TAF1B: variants seen among roughly 807,000 people sequenced by gnomAD.
TAF1B encodes TATA-box binding protein associated factor, RNA polymerase I subunit B.
Under a neutral mutation model 83.9 loss-of-function variants are expected in TAF1B, and 61 were observed. That is an observed-to-expected ratio of 0.73 (90% CI 0.59 to 0.90). TAF1B has a LOEUF of 0.90. Ranked by LOEUF, TAF1B falls within the 40% of genes least tolerant of loss-of-function variation. TAF1B has a pLI of 0.00. For missense variants in TAF1B, 625 were observed against 677.0 expected, an observed-to-expected ratio of 0.92 and a Z score of 0.85; for synonymous variants, 221 against 224.6, an observed-to-expected ratio of 0.98 and a Z score of 0.14.
At chr2:9,906,916 T>C (rs187905591) in intron 9 of TAF1B, among the ~76,000 whole-genome samples, 207 of 152,310 alleles carry the variant, frequency 1.4e-3, no homozygotes, top group Non-Finnish European at 1.9e-3. Context: ...CTTGCTCTGT[T>C]GACCAGGCTG....
chr2:9,925,889 TATGGTGCAAAC>T (rs930900656), intron 14 of TAF1B, among the ~76,000 whole-genome samples: 9 of 152,194 alleles, frequency 5.9e-5, no homozygotes, highest in African/African-American at 2.2e-4. Context: ...GGCAGAGTTT[TATGGTGCAAAC>T]ATAGACATTC....
intron 5 of TAF1B, among the ~76,000 whole-genome samples, chr2:9,857,848 C>T (rs1026318952): frequency 1.3e-5 from 2 of 152,100 alleles, no homozygotes; most frequent in Non-Finnish European, 2.9e-5. Flanking sequence ...GGAAGCCACC[C>T]CCATGATCCA....
chr2:9,863,229 T>C (rs868122516), intron 5 of TAF1B, among the ~76,000 whole-genome samples: 1 of 151,882 alleles, frequency 6.6e-6, no homozygotes, highest in Admixed American at 6.6e-5. Flanking sequence ...ACACATAGGC[T>C]CAAAGTAAAG....
intron 5 of TAF1B, among the ~76,000 whole-genome samples, chr2:9,859,051 G>A (rs992973243): frequency 7.9e-5 from 12 of 152,060 alleles, no homozygotes; most frequent in African/African-American, 2.2e-4. Flanking sequence ...TTACCTTGTC[G>A]TCCTGCTGGA....
rs1307875794 is a variant in TAF1B at position 9,874,501 on chromosome 2, G to T, written c.554-1364G>T. Reference sequence around the variant, plus strand: ...TGCCCAGGCTAGTCTCGCATTCTTGGGCTCAAGTGATCCTCCTGTCTCATC... The same window carrying T: ...TGCCCAGGCTAGTCTCGCATTCTTGTGCTCAAGTGATCCTCCTGTCTCATC... On this transcript the variant is annotated intron_variant, in intron 6 of 14. Coordinates refer to ENST00000263663, the MANE Select transcript of TAF1B (RefSeq NM_005680.3). Among the ~76,000 whole-genome samples the T allele has an allele frequency of 2.0e-5, 3 of 151,990 alleles. No individual in the cohort carries two copies. In the South Asian group the frequency reaches 6.3e-4, roughly 32 times the overall value.
intron 5 of TAF1B, among the ~76,000 whole-genome samples, chr2:9,867,694 T>C (rs11692193): frequency 0.73 from 110,580 of 152,026 alleles, 40,501 homozygotes; most frequent in East Asian, 0.94. Context: ...GACACTCTGT[T>C]GTTTCAACAG....
intron 2 of TAF1B, chr2:9,845,534 T>G: frequency 2.2e-6 from 1 of 455,716 alleles, no homozygotes; most frequent in Non-Finnish European, 4.0e-6. Flanking sequence ...TGGGCCACAT[T>G]TATAAATGAT....
chr2:9,846,660 G>A (rs946408521), intron 2 of TAF1B, among the ~76,000 whole-genome samples: 1 of 152,240 alleles, frequency 6.6e-6, no homozygotes, highest in Non-Finnish European at 1.5e-5. Context: ...GCTTGCAGGT[G>A]TGTCACACAA....
At chr2:9,859,943 A>T (rs1219073818) in intron 5 of TAF1B, among the ~76,000 whole-genome samples, 1 of 152,252 alleles carries the variant, frequency 6.6e-6, no homozygotes, top group Non-Finnish European at 1.5e-5. Flanking sequence ...AAGAGGTTTA[A>T]TGGGCTCAGA....
At chr2:9,920,587 G>C in intron 14 of TAF1B, among the ~76,000 whole-genome samples, 1 of 115,280 alleles carries the variant, frequency 8.7e-6, no homozygotes, top group East Asian at 3.0e-4. Context: ...GGCGGGGGGC[G>C]GGGGGTCCAT....
At chr2:9,860,715 T>G (rs1663725395) in intron 5 of TAF1B, among the ~76,000 whole-genome samples, 1 of 152,116 alleles carries the variant, frequency 6.6e-6, no homozygotes, top group East Asian at 1.9e-4. Flanking sequence ...GGGAACAAAG[T>G]GTTTCAAGAA....
chr2:9,925,880 G>T (rs905917631), intron 14 of TAF1B, among the ~76,000 whole-genome samples: 4 of 152,066 alleles, frequency 2.6e-5, no homozygotes, highest in Admixed American at 2.6e-4. Flanking sequence ...CAACCAAGTG[G>T]CAGAGTTTTA....
chr2:9,854,449 T>G, intron 5 of TAF1B, 28 bp downstream of exon 5: 1 of 1,536,330 alleles, frequency 6.5e-7, no homozygotes, highest in Non-Finnish European at 9.0e-7. Flanking sequence ...AAAGTTGGAT[T>G]AAAAAACATG....
intron 8 of TAF1B, among the ~76,000 whole-genome samples, chr2:9,898,452 A>G (rs192575195): frequency 6.6e-6 from 1 of 152,344 alleles, no homozygotes; most frequent in East Asian, 1.9e-4. Context: ...GGTCAGTATA[A>G]AACAAAATGC....
At position 9,934,040 on chromosome 2, in the gene TAF1B, AT is replaced by A; in HGVS notation, c.*60del. 1 of 1,336,648 alleles carries A rather than the reference AT, an allele frequency of 7.5e-7. No individual in the cohort carries two copies. The highest frequency in any genetic ancestry group is 1.0e-6 in the Non-Finnish European group (1 of 977,064). 82.8% of individuals were successfully genotyped at this position (1,336,648 alleles called of 1,614,324 possible). A position where few individuals can be genotyped will look rare whatever the true frequency, so the allele number is the denominator to read the frequency against. Reference sequence around the variant, plus strand: ...ATTTTAATAGTGATAATAACATCAGATTTTAATATAACATTCCAGAGAATTG... The same window carrying A: ...ATTTTAATAGTGATAATAACATCAGATTTAATATAACATTCCAGAGAATTG... On this transcript the variant is annotated 3_prime_UTR_variant, in exon 15 of 15. Coordinates refer to ENST00000263663, the MANE Select transcript of TAF1B (RefSeq NM_005680.3).
intron 6 of TAF1B, among the ~76,000 whole-genome samples, chr2:9,870,376 T>A (rs1281403601): frequency 6.6e-5 from 10 of 152,116 alleles, no homozygotes; most frequent in Admixed American, 6.5e-4. Flanking sequence ...CAGTCCCAGC[T>A]ACTCAGGTGA....
chr2:9,905,992 C>A (rs1665328078), intron 9 of TAF1B, among the ~76,000 whole-genome samples: 2 of 151,990 alleles, frequency 1.3e-5, no homozygotes, highest in African/African-American at 4.8e-5. Context: ...TTTGGAAGAT[C>A]TTATTTCTGC....
chr2:9,878,986 A>G (rs1664408243), intron 7 of TAF1B, among the ~76,000 whole-genome samples: 1 of 152,208 alleles, frequency 6.6e-6, no homozygotes, highest in Non-Finnish European at 1.5e-5. Context: ...AGAGGGTGGC[A>G]TTTACTCTGC....
intron 8 of TAF1B, among the ~76,000 whole-genome samples, chr2:9,901,772 C>G (rs1034435231): frequency 1.3e-5 from 2 of 152,044 alleles, no homozygotes; most frequent in Non-Finnish European, 2.9e-5. Context: ...AAAAGGAAGA[C>G]ACCTTCTTTT....
Sources: gnomAD v4.1 joint callset for allele counts (sites outside exome capture counted in the v4.1 genomes callset) on GRCh38, gnomAD v4.1.1 for gene constraint, MANE v1.5 for transcripts, NCBI Gene and HGNC (gene_info 2026-07-23, HGNC 2026-07-21) for gene names.